Variants in HHIPL1 observed in about 807,000 individuals in gnomAD.
HHIPL1 encodes the protein HHIP-like protein 1.
In HHIPL1, 43 loss-of-function variants were observed where a neutral mutation model predicts 61.8. The observed-to-expected ratio is 0.70, with a 90% CI of 0.55 to 0.90. HHIPL1 has a LOEUF of 0.90. Among genes scored for constraint, HHIPL1 ranks in the 40% least tolerant of loss-of-function variants. The probability of loss-of-function intolerance (pLI) is 0.00; values close to 1 mark genes in which losing one functional copy is unlikely to be tolerated. For synonymous variants in HHIPL1, 482 were observed against 515.8 expected (o/e 0.93, Z 0.89); for missense variants, 1,056 against 1,157.7 (o/e 0.91, Z 1.28).
chr14:99,617,126 A>G, the HHIPL1 span, among the ~76,000 whole-genome samples: 113 of 152,332 alleles, frequency 7.4e-4, no homozygotes, highest in African/African-American at 2.6e-3. Flanking sequence ...CTAGGTTTAG[A>G]GTAGATCAGA....
the HHIPL1 span, among the ~76,000 whole-genome samples, chr14:99,624,074 G>A: frequency 2.0e-5 from 3 of 152,198 alleles, no homozygotes; most frequent in Non-Finnish European, 4.4e-5. Flanking sequence ...GGCCAGACAG[G>A]GGAGCTACTC....
In HHIPL1 at chr14:99,679,191, C is replaced by G. The variant is rs1038372390; in HGVS notation, c.*3565C>G. 6.6e-6 allele frequency: 1 copy of G among 152,272 alleles called. No homozygotes were observed. Among genetic ancestry groups the G allele is most frequent in the Non-Finnish European group, 1.5e-5 (1 of 68,078 alleles). 9.4% of individuals were successfully genotyped at this position (152,272 alleles called of 1,614,324 possible). On this transcript the variant is annotated 3_prime_UTR_variant, in exon 9 of 9. Coordinates refer to ENST00000330710, the MANE Select transcript of HHIPL1 (RefSeq NM_001127258.3). ...AGGGCATTGAAAGCCAGCCCCACCCCACTGGGACACAAGTTCAGAGAAGGG... is the reference window on the plus strand; with the variant it reads ...AGGGCATTGAAAGCCAGCCCCACCCGACTGGGACACAAGTTCAGAGAAGGG...
intron 5 of HHIPL1, among the ~76,000 whole-genome samples, chr14:99,661,919 C>T (rs1285079230): frequency 6.6e-6 from 1 of 152,154 alleles, no homozygotes; most frequent in Non-Finnish European, 1.5e-5. Context: ...AGATACCTGA[C>T]CTGGGCCCCT....
chr14:99,611,585 C>CT, the HHIPL1 span, among the ~76,000 whole-genome samples: 15,425 of 129,712 alleles, frequency 0.12, 1,132 homozygotes, highest in African/African-American at 0.22. Context: ...CGTGCCTGGC[C>CT]TTTTTTTTTT....
chr14:99,668,139 G>T lies in HHIPL1; in HGVS notation c.1649-83G>T. On this transcript the variant is annotated intron_variant, in intron 6 of 8. Coordinates refer to ENST00000330710, the MANE Select transcript of HHIPL1 (RefSeq NM_001127258.3). This position sits in a 1 kb window ranked among gnomAD's most constrained non-coding sequence, Gnocchi z 4.7. ...GGGGTTGGGGTCTATTTCCAAGCCT[G>T]CAGGGAGCCGGGTGGTGAGGCGGGG... is the stretch of plus-strand genomic sequence containing the variant. 2 of 838,978 alleles carry T rather than the reference G, an allele frequency of 2.4e-6. No individual in the cohort carries two copies. The highest frequency in any genetic ancestry group is 1.3e-5 in the South Asian group (1 of 74,964). The allele number at this position is 838,978 out of a possible 1,614,324, so 52.0% of individuals were successfully genotyped here. A position where few individuals can be genotyped will look rare whatever the true frequency, so the allele number is the denominator to read the frequency against.
chr14:99,617,684 A>G, the HHIPL1 span, among the ~76,000 whole-genome samples: 1 of 152,180 alleles, frequency 6.6e-6, no homozygotes, highest in Non-Finnish European at 1.5e-5. Context: ...TGCATGAAAC[A>G]AGTAAGGAGG....
At position 99,645,303 on chromosome 14, in the gene HHIPL1, G is replaced by C; in HGVS notation, c.96G>C (p.Pro32=). 6.9e-7 allele frequency: 1 copy of C among 1,451,224 alleles called. No homozygotes were observed. Among genetic ancestry groups the C allele is most frequent in the South Asian group, 1.3e-5 (1 of 74,200 alleles). The allele number at this position is 1,451,224 out of a possible 1,614,324, so 89.9% of individuals were successfully genotyped here. A position where few individuals can be genotyped will look rare whatever the true frequency, so the allele number is the denominator to read the frequency against. Residue 32 remains proline (P), a synonymous_variant, in exon 1 of 9, where the codon CCG becomes CCC. Transcript: ENST00000330710. ...TGGACTTCAGGCCGCCCTTCCGGCCGACGCAGCCGCTGCGCCTCTGCGCGC... is the reference window on the plus strand; with the variant it reads ...TGGACTTCAGGCCGCCCTTCCGGCCCACGCAGCCGCTGCGCCTCTGCGCGC... ...QCLDFRPPFR[P]TQPLRLCAQY...
chr14:99,629,709 G>A, the HHIPL1 span, among the ~76,000 whole-genome samples: 1 of 152,054 alleles, frequency 6.6e-6, no homozygotes, highest in Non-Finnish European at 1.5e-5. Context: ...CACCATGTTG[G>A]CCAGGCTGGT....
At chr14:99,653,973 G>A (rs2055983329) in intron 2 of HHIPL1, among the ~76,000 whole-genome samples, 1 of 152,160 alleles carries the variant, frequency 6.6e-6, no homozygotes, top group Admixed American at 6.5e-5. Context: ...TGGATCACTT[G>A]AGGTCAGGAG....
rs911766418 is a variant in HHIPL1, at chr14:99,675,129, GCGCGGGCGCCCA to G, written c.1864_1875del (p.Thr622_Pro625del). On this transcript the variant is annotated inframe_deletion, in exon 9 of 9. Transcript: ENST00000330710. The surrounding 1 kb of genome is among the most constrained non-coding windows in gnomAD (Gnocchi z 5.4). ...GACACGGAGCACCCCGCGGCCTACAGCGCGGGCGCCCACGCGGGCGCCCCGCCGAGGGCGCCC... is the reference window on the plus strand; with the variant it reads ...GACACGGAGCACCCCGCGGCCTACAGCGCGGGCGCCCCGCCGAGGGCGCCC... The G allele has an allele frequency of 2.1e-4, 239 of 1,132,704 alleles. No homozygotes were observed. Among genetic ancestry groups the G allele is most frequent in the Non-Finnish European group, 2.3e-4 (206 of 915,162 alleles). 70.2% of individuals were successfully genotyped at this position (1,132,704 alleles called of 1,614,324 possible).
At chr14:99,667,552 G>A (rs1203859067) in intron 6 of HHIPL1, among the ~76,000 whole-genome samples, 1 of 152,108 alleles carries the variant, frequency 6.6e-6, no homozygotes, top group Non-Finnish European at 1.5e-5. Flanking sequence ...TCACACAGCT[G>A]CTGGAGATCA....
At chr14:99,619,153 A>T in the HHIPL1 span, among the ~76,000 whole-genome samples, 1 of 152,154 alleles carries the variant, frequency 6.6e-6, no homozygotes, top group East Asian at 1.9e-4. Context: ...CAGATGCCGC[A>T]ACTAAGACTT....
At chr14:99,628,099 A>T in the HHIPL1 span, among the ~76,000 whole-genome samples, 1 of 152,152 alleles carries the variant, frequency 6.6e-6, no homozygotes, top group African/African-American at 2.4e-5. Context: ...TGGTGGGAGG[A>T]CCGAGGCCCA....
At position 99,668,941 on chromosome 14, in the gene HHIPL1, G is replaced by A. The variant is rs75176136; in HGVS notation, c.1730+638G>A. ...GTGGTGGAAATGAGCACAAAGACAC[G>A]AAGTCATGGGCCTGGGGCCCAGGGC... On this transcript the variant is annotated intron_variant, in intron 7 of 8. Transcript: ENST00000330710. The surrounding 1 kb of genome is among the most constrained non-coding windows in gnomAD (Gnocchi z 4.7). The A allele has an allele frequency of 3.2e-4, 510 of 1,608,480 alleles. 2 individuals carry two copies. The African/African-American group carries it at 5.6e-3, about 18-fold the overall frequency.
intron 1 of HHIPL1, among the ~76,000 whole-genome samples, chr14:99,646,826 TG>T (rs1351601002): frequency 0.14 from 9,970 of 71,542 alleles, 356 homozygotes; most frequent in East Asian, 0.26. Flanking sequence ...TGATATGATA[TG>T]ATATGATATA....
rs1356072752 is a variant in HHIPL1, at chr14:99,677,554, C to A, written c.*1928C>A. ...GAGATAGCAGGCCGTTAATGACCAT[C>A]CCAGCCGAATTCCTCACTGTGCAGA... On this transcript the variant is annotated 3_prime_UTR_variant, in exon 9 of 9. Transcript: ENST00000330710. The surrounding 1 kb of genome is among the most constrained non-coding windows in gnomAD (Gnocchi z 4.3). 1 of 152,254 alleles carries A rather than the reference C, an allele frequency of 6.6e-6. No homozygotes were observed. Among genetic ancestry groups the A allele is most frequent in the Non-Finnish European group, 1.5e-5 (1 of 68,084 alleles). The allele number at this position is 152,254 out of a possible 1,614,324, so 9.4% of individuals were successfully genotyped here.
At chr14:99,646,668 G>A (rs1285133629) in intron 1 of HHIPL1, among the ~76,000 whole-genome samples, 1 of 151,962 alleles carries the variant, frequency 6.6e-6, no homozygotes. Context: ...CAGCTACTCG[G>A]GAGGCTGAGG....
rs768731607 is a variant in HHIPL1 at position 99,668,899 on chromosome 14, C to T, written c.1730+596C>T. 3 of 1,613,668 alleles carry T rather than the reference C, an allele frequency of 1.9e-6. No homozygotes were observed. The highest frequency in any genetic ancestry group is 2.5e-6 in the Non-Finnish European group (3 of 1,179,580). On this transcript the variant is annotated intron_variant, in intron 7 of 8. Transcript: ENST00000330710. The surrounding 1 kb of genome is among the most constrained non-coding windows in gnomAD (Gnocchi z 4.7). ...TTCCGTGTGCAGCTCATTGACGTCTCAGCCGTTCATTTTACAGTGGTGGAA... is the reference window on the plus strand; with the variant it reads ...TTCCGTGTGCAGCTCATTGACGTCTTAGCCGTTCATTTTACAGTGGTGGAA...
upstream of HHIPL1, among the ~76,000 whole-genome samples, chr14:99,642,159 C>T (rs774237107): frequency 7.2e-5 from 11 of 152,082 alleles, no homozygotes; most frequent in Non-Finnish European, 1.2e-4. Context: ...AGGCTGGTCT[C>T]GAACTCCTGA....
Sources: allele counts gnomAD v4.1 joint callset (sites outside exome capture counted in the v4.1 genomes callset), GRCh38; gene constraint gnomAD v4.1.1; non-coding constraint Gnocchi (gnomAD v3.1); transcripts MANE v1.5; gene names NCBI Gene and HGNC (gene_info 2026-07-23, HGNC 2026-07-21).